ADCY8: variants seen among roughly 807,000 people sequenced by gnomAD.
The protein encoded by ADCY8 is adenylate cyclase 8, also known as adenylate cyclase type 8.
ADCY8 carries 51 observed loss-of-function variants against 119.7 expected under a neutral mutation model. The ratio of observed to expected loss-of-function variants is 0.43; its 90% CI spans 0.34 to 0.54. The LOEUF (loss-of-function observed/expected upper bound fraction) is 0.54. ADCY8 is among the 20% of genes least tolerant of loss of function. The pLI, the probability that ADCY8 is intolerant of heterozygous loss-of-function variation, is 0.03. For missense variants in ADCY8, 1,383 were observed against 1,598.8 expected (o/e 0.87, Z 2.30); for synonymous variants, 665 against 651.0 (o/e 1.02, Z -0.33).
chr8:130,824,518 A>C (rs1232057943), intron 12 of ADCY8, among the ~76,000 whole-genome samples: 1 of 152,232 alleles, frequency 6.6e-6, no homozygotes, highest in Non-Finnish European at 1.5e-5. Flanking sequence ...AAGGATAAAA[A>C]TAATGCCTTA....
At chr8:130,926,175 C>G (rs1820460838) in intron 5 of ADCY8, among the ~76,000 whole-genome samples, 1 of 152,204 alleles carries the variant, frequency 6.6e-6, no homozygotes, top group Non-Finnish European at 1.5e-5. Flanking sequence ...TAAACACACA[C>G]ATATATACCA....
At position 131,019,114 on chromosome 8, in the gene ADCY8, G is replaced by A. The variant is rs549374447; in HGVS notation, c.960+20260C>T. ...AGGAATATGATGGTATGAAATTGAC[G>A]GTATTGTTGGTATTAATGAAAATGA... On this transcript the variant is annotated intron_variant, in intron 1 of 17. Transcript: ENST00000286355. Among the ~76,000 whole-genome samples, 35 of 152,210 alleles carry A rather than the reference G, an allele frequency of 2.3e-4. No homozygotes were observed. The South Asian group carries it at 6.4e-3, about 28-fold the overall frequency.
intron 13 of ADCY8, among the ~76,000 whole-genome samples, chr8:130,817,264 G>A (rs1267562426): frequency 6.6e-6 from 1 of 152,210 alleles, no homozygotes. Context: ...TCAAAAGCTT[G>A]TGGTCCTCAC....
chr8:130,789,627 T>G (rs772207882), intron 15 of ADCY8, among the ~76,000 whole-genome samples: 27 of 152,162 alleles, frequency 1.8e-4, no homozygotes, highest in Non-Finnish European at 2.8e-4. Context: ...GCAGTCAATA[T>G]TTTGTCCCCA....
chr8:130,878,978 A>G (rs1310657726), intron 8 of ADCY8, among the ~76,000 whole-genome samples: 1 of 152,198 alleles, frequency 6.6e-6, no homozygotes, highest in Non-Finnish European at 1.5e-5. Flanking sequence ...CCTTATTATA[A>G]GGTGATAATA....
chr8:130,835,805 G>A (rs1586463774), intron 12 of ADCY8, among the ~76,000 whole-genome samples: 1 of 152,058 alleles, frequency 6.6e-6, no homozygotes, highest in East Asian at 1.9e-4. Flanking sequence ...AAACTATACT[G>A]TTTTTGTTTG....
At chr8:130,987,226 A>C (rs1329244615) in intron 2 of ADCY8, among the ~76,000 whole-genome samples, 3 of 152,174 alleles carry the variant, frequency 2.0e-5, no homozygotes, top group Non-Finnish European at 4.4e-5. Context: ...CACTGAGCTG[A>C]ATCCTATTCA....
chr8:130,997,063 A>G (rs1586641654), intron 1 of ADCY8, among the ~76,000 whole-genome samples: 1 of 152,166 alleles, frequency 6.6e-6, no homozygotes, highest in South Asian at 2.1e-4. Flanking sequence ...AAATGGCTGA[A>G]TAAATTGTGG....
intron 1 of ADCY8, 150 bp downstream of exon 1, chr8:131,039,224 A>T: frequency 8.8e-7 from 1 of 1,138,638 alleles, no homozygotes; most frequent in Non-Finnish European, 1.2e-6. Flanking sequence ...GCATTCCGCT[A>T]ACACTCAAGA....
Position 130,857,479 on chromosome 8 carries a change from G to A in ADCY8, c.2211-7676C>T, listed in dbSNP as rs141200823. 3.2e-3 allele frequency among the ~76,000 whole-genome samples: 482 copies of A among 151,892 alleles called. 2 individuals are homozygous for A. The highest frequency in any genetic ancestry group is 9.6e-3 in the African/African-American group (398 of 41,398). ...TTATCTTCCTTACAACGTATTTATCGAAAAACACATGCCTCTGACCCGTAG... is the reference window on the plus strand; with the variant it reads ...TTATCTTCCTTACAACGTATTTATCAAAAAACACATGCCTCTGACCCGTAG... On this transcript the variant is annotated intron_variant, in intron 9 of 17. Transcript: ENST00000286355.
intron 12 of ADCY8, among the ~76,000 whole-genome samples, chr8:130,832,520 C>T (rs1816869288): frequency 1.3e-5 from 2 of 152,268 alleles, no homozygotes; most frequent in African/African-American, 2.4e-5. Flanking sequence ...GAGTGACTAT[C>T]GACCTGTAGA....
chr8:131,020,831 A>C (rs1264238937), intron 1 of ADCY8, among the ~76,000 whole-genome samples: 1 of 152,208 alleles, frequency 6.6e-6, no homozygotes, highest in Non-Finnish European at 1.5e-5. Flanking sequence ...GGAAGGTATC[A>C]GTTTCTTCCC....
At chr8:130,841,354 CAGAT>C (rs1486270659) in intron 11 of ADCY8, among the ~76,000 whole-genome samples, 4 of 152,260 alleles carry the variant, frequency 2.6e-5, no homozygotes, top group South Asian at 4.2e-4. Flanking sequence ...TTTCTTCTCT[CAGAT>C]AGATATTCTG....
intron 5 of ADCY8, among the ~76,000 whole-genome samples, chr8:130,935,120 T>C (rs1820745805): frequency 6.6e-6 from 1 of 152,212 alleles, no homozygotes; most frequent in Non-Finnish European, 1.5e-5. Flanking sequence ...TATGGACACA[T>C]GCCTTCTGCT....
intron 14 of ADCY8, among the ~76,000 whole-genome samples, chr8:130,805,980 C>T (rs1392300339): frequency 2.0e-5 from 3 of 152,168 alleles, no homozygotes; most frequent in South Asian, 2.1e-4. Context: ...CTGTCTTTCC[C>T]CAGTCTGGTG....
intron 5 of ADCY8, among the ~76,000 whole-genome samples, chr8:130,929,281 T>C (rs534596371): frequency 2.0e-5 from 3 of 152,278 alleles, no homozygotes; most frequent in Admixed American, 2.0e-4. Flanking sequence ...CAGGTGTTTA[T>C]TATTGTAAAC....
rs115134640 is a variant in ADCY8, at chr8:130,966,347, C to T, written c.1111-14349G>A. Among the ~76,000 whole-genome samples the T allele has an allele frequency of 9.2e-3, 1,393 of 152,198 alleles. 16 individuals carry two copies. Among genetic ancestry groups the T allele is most frequent in the Middle Eastern group, 0.034 (10 of 294 alleles). ...ACTCTGCATGGGTCAAACAATGACT[C>T]CTGCCTAACGTACATGATTGAGGTG... On this transcript the variant is annotated intron_variant, in intron 2 of 17. Transcript: ENST00000286355.
chr8:130,958,465 C>T (rs1821499984), intron 2 of ADCY8, among the ~76,000 whole-genome samples: 2 of 152,108 alleles, frequency 1.3e-5, no homozygotes, highest in African/African-American at 4.8e-5. Flanking sequence ...TCTCACGCTG[C>T]TAATGAAGAC....
chr8:130,911,652 G>T (rs1471344497), intron 5 of ADCY8, among the ~76,000 whole-genome samples: 14 of 150,438 alleles, frequency 9.3e-5, no homozygotes, highest in Admixed American at 6.0e-4. Context: ...AAATTAAATT[G>T]GATACTGTAA....
Sources: gnomAD v4.1 joint callset for allele counts (sites outside exome capture counted in the v4.1 genomes callset) on GRCh38, gnomAD v4.1.1 for gene constraint, MANE v1.5 for transcripts, NCBI Gene and HGNC (gene_info 2026-07-23, HGNC 2026-07-21) for gene names.